The following ADD3 variants were observed in gnomAD, a reference collection of about 807,000 sequenced individuals.
ADD3 encodes the protein adducin 3.
In ADD3, 25 loss-of-function variants were observed where a neutral mutation model predicts 80.2. The ratio of observed to expected loss-of-function variants is 0.31; its 90% CI spans 0.23 to 0.44. ADD3 has a LOEUF of 0.44. Ranked by LOEUF, ADD3 falls within the 20% of genes least tolerant of loss-of-function variation. ADD3 has a pLI of 1.00. For synonymous variants in ADD3, 284 were observed against 289.6 expected (o/e 0.98, Z 0.20); for missense variants, 829 against 847.5 (o/e 0.98, Z 0.27).
intron 1 of ADD3, among the ~76,000 whole-genome samples, chr10:110,069,082 A>G (rs966156923): frequency 2.8e-4 from 42 of 152,318 alleles, no homozygotes; most frequent in African/African-American, 1.0e-3. Context: ...GTCTTAAAAA[A>G]AAAAAATTGC....
chr10:110,000,181 A>G (rs1426191668), intron 1 of ADD3, among the ~76,000 whole-genome samples: 3 of 152,142 alleles, frequency 2.0e-5, no homozygotes, highest in Admixed American at 2.0e-4. Flanking sequence ...TGGCCTCCCA[A>G]AGTGTTGGGA....
upstream of ADD3, among the ~76,000 whole-genome samples, chr10:110,001,651 C>T (rs143568208): frequency 7.3e-4 from 111 of 152,214 alleles, 2 homozygotes; most frequent in African/African-American, 2.5e-3. Flanking sequence ...CTTAAAAAGT[C>T]CTCAATCGTC....
chr10:110,053,347 T>G (rs1269802267), intron 1 of ADD3, among the ~76,000 whole-genome samples: 1 of 152,074 alleles, frequency 6.6e-6, no homozygotes, highest in African/African-American at 2.4e-5. Flanking sequence ...CTTTTTACTT[T>G]TCATTGAACA....
At chr10:110,009,229 G>C (rs1445076345) in intron 1 of ADD3, among the ~76,000 whole-genome samples, 1 of 152,204 alleles carries the variant, frequency 6.6e-6, no homozygotes, top group Non-Finnish European at 1.5e-5. Flanking sequence ...TTATATGCAA[G>C]TTTGGGGAAG....
chr10:110,088,703 T>C (rs972489586), intron 1 of ADD3, among the ~76,000 whole-genome samples: 2 of 152,192 alleles, frequency 1.3e-5, no homozygotes, highest in African/African-American at 4.8e-5. Flanking sequence ...ATATCTGAAA[T>C]AGTAGATCAA....
intron 1 of ADD3, among the ~76,000 whole-genome samples, chr10:110,054,087 CAGAATATGCGATATAATAGA>C (rs1330939908): frequency 1.2e-4 from 18 of 152,066 alleles, no homozygotes; most frequent in Admixed American, 1.2e-3. Flanking sequence ...AGCTGTAGAA[CAGAATATGCGATATAATAGA>C]TTTTTAAAAG....
At chr10:110,067,243 G>A (rs188418391) in intron 1 of ADD3, among the ~76,000 whole-genome samples, 9 of 152,268 alleles carry the variant, frequency 5.9e-5, no homozygotes, top group African/African-American at 1.9e-4. Context: ...ACTGTTAAAC[G>A]TGAAATCAAA....
chr10:110,046,570 A>G (rs1051999031), intron 1 of ADD3, among the ~76,000 whole-genome samples: 7 of 152,192 alleles, frequency 4.6e-5, no homozygotes, highest in African/African-American at 1.2e-4. Flanking sequence ...TATAGAATGT[A>G]CATAAATGTA....
At chr10:110,118,867 C>A in intron 6 of ADD3, 131 bp downstream of exon 6, 1 of 959,914 alleles carries the variant, frequency 1.0e-6, no homozygotes, top group Non-Finnish European at 1.5e-6. Context: ...ACCCAGAAAG[C>A]AAAAGGCCTT....
intron 1 of ADD3, among the ~76,000 whole-genome samples, chr10:110,020,684 G>A (rs1447194420): frequency 1.3e-5 from 2 of 151,560 alleles, no homozygotes; most frequent in East Asian, 3.9e-4. Flanking sequence ...AAGTGTAGAT[G>A]CAGGGAAACT....
chr10:110,029,657 T>A (rs1854753897), intron 1 of ADD3, among the ~76,000 whole-genome samples: 1 of 152,216 alleles, frequency 6.6e-6, no homozygotes, highest in Admixed American at 6.5e-5. Context: ...TGGAAATCAG[T>A]CACATTTGAA....
intron 1 of ADD3, among the ~76,000 whole-genome samples, chr10:110,041,002 C>T (rs979009532): frequency 2.0e-5 from 3 of 152,144 alleles, no homozygotes; most frequent in Admixed American, 6.6e-5. Flanking sequence ...GTCTGTCTCT[C>T]TGTCCCTCTC....
At chr10:109,996,860 T>C (rs1393759878) in intron 1 of ADD3, among the ~76,000 whole-genome samples, 6 of 152,238 alleles carry the variant, frequency 3.9e-5, no homozygotes, top group Non-Finnish European at 8.8e-5. Context: ...TTCACTCTCT[T>C]CGGCCTCAAT....
chr10:110,103,602 T>C (rs1849083176), intron 2 of ADD3, among the ~76,000 whole-genome samples: 1 of 152,210 alleles, frequency 6.6e-6, no homozygotes, highest in Admixed American at 6.5e-5. Context: ...ACTTCTGCCA[T>C]ATTTATTAGT....
At chr10:110,036,652 G>A (rs1270438764) in intron 1 of ADD3, among the ~76,000 whole-genome samples, 8 of 151,632 alleles carry the variant, frequency 5.3e-5, no homozygotes, top group South Asian at 4.2e-4. Flanking sequence ...GATTACAGGC[G>A]TGAGCCACCA....
intron 1 of ADD3, among the ~76,000 whole-genome samples, chr10:110,072,130 C>T (rs1207410630): frequency 2.0e-5 from 3 of 152,198 alleles, no homozygotes; most frequent in African/African-American, 7.2e-5. Context: ...GGCGCAATCT[C>T]GGCTCACTGC....
At chr10:110,126,589 A>G in intron 12 of ADD3, 86 bp downstream of exon 12, 1 of 979,202 alleles carries the variant, frequency 1.0e-6, no homozygotes, top group Non-Finnish European at 1.5e-6. Context: ...TATTTTTACT[A>G]AGGTTAATAT....
chr10:110,109,849 C>G (rs1332272530), intron 2 of ADD3, among the ~76,000 whole-genome samples: 1 of 152,062 alleles, frequency 6.6e-6, no homozygotes, highest in African/African-American at 2.4e-5. Flanking sequence ...GTATACAGCT[C>G]TCAGCCATCT....
intron 12 of ADD3, among the ~76,000 whole-genome samples, chr10:110,129,771 C>A (rs1199724631): frequency 1.3e-5 from 2 of 152,308 alleles, no homozygotes; most frequent in South Asian, 2.1e-4. Flanking sequence ...TAACATTTCT[C>A]ATCCTTTGTT....
Sources: allele counts gnomAD v4.1 joint callset (sites outside exome capture counted in the v4.1 genomes callset), GRCh38; gene constraint gnomAD v4.1.1; transcripts MANE v1.5; gene names NCBI Gene and HGNC (gene_info 2026-07-23, HGNC 2026-07-21).